Variants in NAALADL2 observed in about 807,000 individuals in gnomAD.
NAALADL2 encodes inactive N-acetylated-alpha-linked acidic dipeptidase-like protein 2.
NAALADL2 carries 76 observed loss-of-function variants against 87.2 expected under a neutral mutation model. The ratio of observed to expected loss-of-function variants is 0.87; its 90% CI spans 0.72 to 1.05. The LOEUF (loss-of-function observed/expected upper bound fraction) is 1.05. Among genes scored for constraint, NAALADL2 ranks in the 50% least tolerant of loss-of-function variants. The probability of loss-of-function intolerance (pLI) is 0.00; values close to 1 mark genes in which losing one functional copy is unlikely to be tolerated. For missense variants in NAALADL2, 1,089 were observed against 945.8 expected, an observed-to-expected ratio of 1.15 and a Z score of -1.99; for synonymous variants, 354 against 331.0, an observed-to-expected ratio of 1.07 and a Z score of -0.75.
chr3:174,815,633 A>G (rs1297955274), intron 3 of NAALADL2, among the ~76,000 whole-genome samples: 1 of 152,068 alleles, frequency 6.6e-6, no homozygotes, highest in Non-Finnish European at 1.5e-5. Flanking sequence ...TAACAGTTAC[A>G]TTGGTTTATG....
chr3:175,025,072 C>T (rs1752045132), intron 1 of NAALADL2, among the ~76,000 whole-genome samples: 1 of 152,042 alleles, frequency 6.6e-6, no homozygotes, highest in Non-Finnish European at 1.5e-5. Flanking sequence ...ATCAAATTCT[C>T]ACTTTTTCGC....
intron 13 of NAALADL2, among the ~76,000 whole-genome samples, chr3:175,775,805 G>C (rs928359718): frequency 6.6e-6 from 1 of 152,096 alleles, no homozygotes; most frequent in African/African-American, 2.4e-5. Context: ...AACATCACAG[G>C]AGTCCTCCTG....
At chr3:174,666,471 AT>A (rs1156259466) in intron 2 of NAALADL2, among the ~76,000 whole-genome samples, 5 of 152,172 alleles carry the variant, frequency 3.3e-5, no homozygotes, top group Admixed American at 3.3e-4. Context: ...CAATTTTTAT[AT>A]AGATGACTTT....
intron 10 of NAALADL2, among the ~76,000 whole-genome samples, chr3:175,589,761 G>T (rs1475859889): frequency 1.4e-5 from 2 of 140,942 alleles, no homozygotes; most frequent in East Asian, 2.1e-4. Context: ...ATAAAATTTG[G>T]ACCAAAGTAA....
intron 1 of NAALADL2, among the ~76,000 whole-genome samples, chr3:174,983,088 G>A (rs142522013): frequency 0.011 from 1,608 of 152,232 alleles, 23 homozygotes; most frequent in African/African-American, 0.037. Flanking sequence ...GTGAGCCACC[G>A]CGCCCAGCCA....
At chr3:175,486,758 A>G (rs1055269589) in intron 9 of NAALADL2, among the ~76,000 whole-genome samples, 1 of 152,102 alleles carries the variant, frequency 6.6e-6, no homozygotes, top group Non-Finnish European at 1.5e-5. Context: ...CTTCTGTGCG[A>G]TATCAGGCAC....
At chr3:174,757,432 G>A (rs1712252111) in intron 3 of NAALADL2, among the ~76,000 whole-genome samples, 1 of 152,092 alleles carries the variant, frequency 6.6e-6, no homozygotes, top group African/African-American at 2.4e-5. Context: ...AGAAGCATTG[G>A]AAAACAAAAG....
intron 1 of NAALADL2, among the ~76,000 whole-genome samples, chr3:174,537,117 A>ATTGAAGACTTACACTGAGCC (rs1721793783): frequency 6.6e-6 from 1 of 152,148 alleles, no homozygotes; most frequent in African/African-American, 2.4e-5. Context: ...CCATCATACT[A>ATTGAAGACTTACACTGAGCC]ATGTTATTGA....
chr3:175,334,879 A>G (rs1761818182), intron 5 of NAALADL2, among the ~76,000 whole-genome samples: 1 of 152,208 alleles, frequency 6.6e-6, no homozygotes, highest in Non-Finnish European at 1.5e-5. Context: ...GATACGACCT[A>G]TCAGACTTGT....
intron 1 of NAALADL2, among the ~76,000 whole-genome samples, chr3:175,091,890 G>T (rs1353321266): frequency 1.3e-5 from 2 of 151,948 alleles, no homozygotes; most frequent in Middle Eastern, 3.4e-3. Flanking sequence ...AAGGCATTTG[G>T]TACACAGCTT....
intron 1 of NAALADL2, among the ~76,000 whole-genome samples, chr3:174,924,513 A>G (rs1735696726): frequency 6.6e-6 from 1 of 152,066 alleles, no homozygotes; most frequent in Non-Finnish European, 1.5e-5. Flanking sequence ...ATAGTGCCGC[A>G]ATAAACATAC....
At chr3:175,602,534 A>G (rs1202938509) in intron 10 of NAALADL2, among the ~76,000 whole-genome samples, 1 of 151,924 alleles carries the variant, frequency 6.6e-6, no homozygotes. Context: ...CATTATTTTT[A>G]GCTCTTTCTA....
intron 3 of NAALADL2, among the ~76,000 whole-genome samples, chr3:174,784,056 T>C (rs1716312289): frequency 6.6e-6 from 1 of 152,178 alleles, no homozygotes; most frequent in Non-Finnish European, 1.5e-5. Context: ...AAAACCTATA[T>C]TGAATGCTTA....
At chr3:175,007,694 G>T (rs1749218592) in intron 1 of NAALADL2, among the ~76,000 whole-genome samples, 1 of 152,082 alleles carries the variant, frequency 6.6e-6, no homozygotes, top group African/African-American at 2.4e-5. Context: ...ACCTCAGATA[G>T]GATGGAACCC....
intron 5 of NAALADL2, among the ~76,000 whole-genome samples, chr3:175,350,349 G>C (rs556005007): frequency 6.6e-6 from 1 of 152,134 alleles, no homozygotes; most frequent in Non-Finnish European, 1.5e-5. Context: ...GAAGCAGTGA[G>C]AAGCAGATAT....
chr3:174,706,449 G>C (rs1026497036), intron 2 of NAALADL2, among the ~76,000 whole-genome samples: 14 of 152,146 alleles, frequency 9.2e-5, no homozygotes, highest in Non-Finnish European at 1.9e-4. Flanking sequence ...AGAAAGAATA[G>C]ATACATTGTA....
intron 11 of NAALADL2, among the ~76,000 whole-genome samples, chr3:175,636,528 G>A (rs979202853): frequency 6.6e-6 from 1 of 151,778 alleles, no homozygotes; most frequent in Non-Finnish European, 1.5e-5. Context: ...GTGAAACCTT[G>A]TCTCTACTAA....
chr3:175,261,935 A>G (rs1581169810), intron 4 of NAALADL2, among the ~76,000 whole-genome samples: 2 of 152,226 alleles, frequency 1.3e-5, no homozygotes, highest in East Asian at 3.9e-4. Context: ...AAGAGCCTGG[A>G]GGAAAATGAG....
intron 5 of NAALADL2, among the ~76,000 whole-genome samples, chr3:175,374,885 TAAATA>T (rs1766955180): frequency 7.9e-6 from 1 of 125,930 alleles, no homozygotes; most frequent in African/African-American, 2.9e-5. Context: ...AATAAATAAA[TAAATA>T]AATAAATAAA....
Sources: gnomAD v4.1 joint callset for allele counts (sites outside exome capture counted in the v4.1 genomes callset) on GRCh38, gnomAD v4.1.1 for gene constraint, MANE v1.5 for transcripts, NCBI Gene and HGNC (gene_info 2026-07-23, HGNC 2026-07-21) for gene names.